The following ST6GALNAC3 variants were observed in gnomAD, a reference collection of about 807,000 sequenced individuals.
ST6GALNAC3 encodes ST6 N-acetylgalactosaminide alpha-2,6-sialyltransferase 3, also known as alpha-N-acetylgalactosaminide alpha-2,6-sialyltransferase 3.
A neutral mutation model predicts 32.7 loss-of-function variants in ST6GALNAC3; 25 were observed. The ratio of observed to expected loss-of-function variants is 0.76; its 90% confidence interval spans 0.56 to 1.07. The LOEUF (loss-of-function observed/expected upper bound fraction) is 1.07. Ranked by LOEUF, ST6GALNAC3 falls within the 50% of genes least tolerant of loss-of-function variation. The pLI, the probability that ST6GALNAC3 is intolerant of heterozygous loss-of-function variation, is 0.00. For missense variants in ST6GALNAC3, 355 were observed against 382.4 expected (o/e 0.93, Z 0.60); for synonymous variants, 129 against 133.1 (o/e 0.97, Z 0.21).
In ST6GALNAC3 at chr1:76,547,727, G is replaced by T. The variant is rs116617287; in HGVS notation, c.624-79725G>T. On this transcript the variant is annotated intron_variant, in intron 3 of 4. Coordinates refer to ENST00000328299, the MANE Select transcript of ST6GALNAC3 (RefSeq NM_152996.4). ...AAAGTAGCTGGGTGCGGTGGCAGGT[G>T]CCTGTACTCTCAGCTACTTGGGAGG... Among the ~76,000 whole-genome samples the T allele has an allele frequency of 7.8e-3, 1,193 of 152,140 alleles. 14 individuals are homozygous for T. Among genetic ancestry groups the T allele is most frequent in the African/African-American group, 0.027 (1,124 of 41,490 alleles).
In ST6GALNAC3 at chr1:76,167,662, G is replaced by A. The variant is rs181003956; in HGVS notation, c.18+92778G>A. Among the ~76,000 whole-genome samples, 12 of 151,944 alleles carry A rather than the reference G, an allele frequency of 7.9e-5. No individual in the cohort carries two copies. The East Asian group carries it at 1.2e-3, about 15-fold the overall frequency. ...GTAGGCTATTTGTTGATTCAATTTC[G>A]GAGCTCATTATTGTCTGTTCAGGGA... On this transcript the variant is annotated intron_variant, in intron 1 of 4. Transcript: ENST00000328299.
At chr1:76,098,262 G>A (rs567977548) in intron 1 of ST6GALNAC3, among the ~76,000 whole-genome samples, 36 of 152,254 alleles carry the variant, frequency 2.4e-4, no homozygotes, top group African/African-American at 8.4e-4. Flanking sequence ...ACATAGAAAG[G>A]CATAGTAACA....
intron 3 of ST6GALNAC3, among the ~76,000 whole-genome samples, chr1:76,508,591 ACAG>A (rs1388805548): frequency 6.6e-6 from 1 of 152,104 alleles, no homozygotes; most frequent in African/African-American, 2.4e-5. Context: ...GTCTACCCCT[ACAG>A]CCCCAGTGTT....
chr1:76,320,589 C>T (rs1198214302), intron 2 of ST6GALNAC3, among the ~76,000 whole-genome samples: 1 of 152,100 alleles, frequency 6.6e-6, no homozygotes, highest in African/African-American at 2.4e-5. Flanking sequence ...AAGTCAGGCA[C>T]ATGTACAGGT....
chr1:76,472,028 C>A (rs1334831179), intron 3 of ST6GALNAC3, among the ~76,000 whole-genome samples: 1 of 152,124 alleles, frequency 6.6e-6, no homozygotes. Flanking sequence ...ATTCAATGGC[C>A]CTAGCAAACA....
At chr1:76,571,015 CT>C (rs1282906197) in intron 3 of ST6GALNAC3, among the ~76,000 whole-genome samples, 1 of 152,042 alleles carries the variant, frequency 6.6e-6, no homozygotes, top group African/African-American at 2.4e-5. Flanking sequence ...CTCCTTTCCT[CT>C]CTCGAAATTG....
At chr1:76,178,384 A>T (rs592872) in intron 1 of ST6GALNAC3, among the ~76,000 whole-genome samples, 108,649 of 152,006 alleles carry the variant, frequency 0.71, 40,649 homozygotes, top group East Asian at 0.94. Flanking sequence ...AACTCAGTGG[A>T]TGATGGACCA....
At chr1:76,516,639 G>A (rs2101774251) in intron 3 of ST6GALNAC3, among the ~76,000 whole-genome samples, 1 of 152,000 alleles carries the variant, frequency 6.6e-6, no homozygotes, top group East Asian at 1.9e-4. Flanking sequence ...TTCAAAAATA[G>A]TATCAACCTT....
intron 1 of ST6GALNAC3, among the ~76,000 whole-genome samples, chr1:76,189,630 G>A (rs572945683): frequency 1.3e-5 from 2 of 152,310 alleles, no homozygotes; most frequent in African/African-American, 2.4e-5. Flanking sequence ...AGAATGTAGA[G>A]TTTGAAATTT....
At chr1:76,286,830 C>T (rs1286494882) in intron 1 of ST6GALNAC3, among the ~76,000 whole-genome samples, 1 of 152,208 alleles carries the variant, frequency 6.6e-6, no homozygotes, top group Non-Finnish European at 1.5e-5. Context: ...GCATGAGGAC[C>T]TTGTCATTTA....
chr1:76,414,156 T>C (rs1444835584), intron 3 of ST6GALNAC3, among the ~76,000 whole-genome samples: 3 of 152,076 alleles, frequency 2.0e-5, no homozygotes, highest in Non-Finnish European at 4.4e-5. Context: ...TTACTGGCCA[T>C]GATGAAGAAA....
chr1:76,555,784 C>A (rs1183900470), intron 3 of ST6GALNAC3, among the ~76,000 whole-genome samples: 1 of 152,024 alleles, frequency 6.6e-6, no homozygotes, highest in East Asian at 1.9e-4. Context: ...GTAGAATTCC[C>A]AGGGTTCTAT....
At chr1:76,202,267 C>CGT (rs1009699009) in intron 1 of ST6GALNAC3, among the ~76,000 whole-genome samples, 37 of 96,878 alleles carry the variant, frequency 3.8e-4, no homozygotes, top group South Asian at 9.1e-4. Flanking sequence ...TGTGTGCATG[C>CGT]ATGTGTGTGT....
At chr1:76,268,717 A>G (rs1658672946) in intron 1 of ST6GALNAC3, among the ~76,000 whole-genome samples, 1 of 152,230 alleles carries the variant, frequency 6.6e-6, no homozygotes, top group South Asian at 2.1e-4. Flanking sequence ...AGTTGAGGGC[A>G]TTACCTGATG....
At chr1:76,201,956 C>T (rs1245653698) in intron 1 of ST6GALNAC3, among the ~76,000 whole-genome samples, 6 of 152,020 alleles carry the variant, frequency 3.9e-5, no homozygotes, top group African/African-American at 7.2e-5. Context: ...ATTTAACTAT[C>T]GTAAAGCCTC....
At chr1:76,411,460 A>G (rs1190273902) in intron 2 of ST6GALNAC3, among the ~76,000 whole-genome samples, 1 of 152,136 alleles carries the variant, frequency 6.6e-6, no homozygotes, top group African/African-American at 2.4e-5. Context: ...GGTCTCTGTA[A>G]TATTTCTGCT....
rs556609349 is a variant in ST6GALNAC3 at position 76,396,845 on chromosome 1, T to C, written c.214-15163T>C. ...ATTGTATTCAATATAGCATTTTGGT[T>C]TAATCTTGATCTTCTAAAGTCTGAG... On this transcript the variant is annotated intron_variant, in intron 2 of 4. Coordinates refer to ENST00000328299, the MANE Select transcript of ST6GALNAC3 (RefSeq NM_152996.4). 6.6e-5 allele frequency among the ~76,000 whole-genome samples: 10 copies of C among 152,312 alleles called. No homozygotes were observed. The South Asian group carries it at 2.1e-3, about 32-fold the overall frequency.
rs187911406 is a variant in ST6GALNAC3, at chr1:76,400,929, A to C, written c.214-11079A>C. The stretch of plus-strand genomic sequence containing the variant: ...AAAAAAAAAAGAATGGAAGATACTT[A>C]AAACACTTCTAATTTTATACCTCCT... On this transcript the variant is annotated intron_variant, in intron 2 of 4. Transcript: ENST00000328299. Among the ~76,000 whole-genome samples, 168 of 152,074 alleles carry C rather than the reference A, an allele frequency of 1.1e-3. 1 individual carries two copies. Among genetic ancestry groups the C allele is most frequent in the African/African-American group, 4.0e-3 (166 of 41,540 alleles).
intron 3 of ST6GALNAC3, among the ~76,000 whole-genome samples, chr1:76,446,181 T>A (rs1203846717): frequency 6.6e-6 from 1 of 152,236 alleles, no homozygotes; most frequent in African/African-American, 2.4e-5. Context: ...TAAGCTTCTT[T>A]TTTAAACAAC....
Sources: gnomAD v4.1 joint callset for allele counts (sites outside exome capture counted in the v4.1 genomes callset) on GRCh38, gnomAD v4.1.1 for gene constraint, MANE v1.5 for transcripts, NCBI Gene and HGNC (gene_info 2026-07-23, HGNC 2026-07-21) for gene names.